Variants in SLC39A11 observed in about 807,000 individuals in gnomAD.
The protein encoded by SLC39A11 is zinc transporter ZIP11.
Under a neutral mutation model 36.1 loss-of-function variants are expected in SLC39A11, and 33 were observed. The ratio of observed to expected loss-of-function variants is 0.91; its 90% CI spans 0.69 to 1.22. The LOEUF is 1.22. SLC39A11 is among the 50% of genes most tolerant of loss of function. The pLI is 0.00. For synonymous variants in SLC39A11, 166 were observed against 170.3 expected (o/e 0.97, Z 0.20); for missense variants, 432 against 430.3 (o/e 1.00, Z -0.03).
intron 4 of SLC39A11, among the ~76,000 whole-genome samples, chr17:73,015,785 A>G (rs1263880041): frequency 2.0e-5 from 3 of 152,052 alleles, no homozygotes; most frequent in Admixed American, 6.6e-5. Flanking sequence ...GTTTCCCCAT[A>G]TTGGCCAGGC....
chr17:72,752,275 C>T (rs1568031522), intron 6 of SLC39A11, among the ~76,000 whole-genome samples: 1 of 152,250 alleles, frequency 6.6e-6, no homozygotes. Context: ...GATGGAGTCT[C>T]GCTCTGTCAC....
At position 72,887,490 on chromosome 17, in the gene SLC39A11, G is replaced by C. The variant is rs2081495167; in HGVS notation, c.431-37686C>G. 2.0e-5 allele frequency among the ~76,000 whole-genome samples: 3 copies of C among 152,200 alleles called. No homozygotes were observed. The South Asian group carries it at 6.2e-4, about 32-fold the overall frequency. ...GCCTGTGTATGCAGTAGGTGGCTTT[G>C]AAAGGCAGAGACAAATGTCAGAATG... On this transcript the variant is annotated intron_variant, in intron 5 of 9. Transcript: ENST00000255559.
chr17:72,679,473 G>A (rs1410291912), intron 7 of SLC39A11, among the ~76,000 whole-genome samples: 1 of 152,200 alleles, frequency 6.6e-6, no homozygotes, highest in Non-Finnish European at 1.5e-5. Flanking sequence ...CGCAGACACA[G>A]AGAAAGGCAC....
At chr17:72,799,905 T>C (rs2077027593) in intron 6 of SLC39A11, among the ~76,000 whole-genome samples, 1 of 151,998 alleles carries the variant, frequency 6.6e-6, no homozygotes, top group African/African-American at 2.4e-5. Context: ...CTCTCTGTTC[T>C]TACACCCCCT....
At chr17:72,998,286 A>T (rs754818482) in intron 4 of SLC39A11, among the ~76,000 whole-genome samples, 5 of 148,442 alleles carry the variant, frequency 3.4e-5, no homozygotes, top group Non-Finnish European at 7.4e-5. Flanking sequence ...GGACCACTGT[A>T]CTGTTCCTTT....
intron 3 of SLC39A11, among the ~76,000 whole-genome samples, chr17:73,071,565 T>C (rs765463093): frequency 6.6e-6 from 1 of 152,160 alleles, no homozygotes; most frequent in Non-Finnish European, 1.5e-5. Flanking sequence ...TCCAGCACAG[T>C]GGTCCCGATG....
intron 5 of SLC39A11, among the ~76,000 whole-genome samples, chr17:72,861,222 C>T (rs147305077): frequency 2.0e-3 from 304 of 152,262 alleles, no homozygotes; most frequent in African/African-American, 6.8e-3. Context: ...AGAGTGAAAG[C>T]ATGCCTTGGC....
At chr17:72,992,402 C>T (rs897366416) in intron 4 of SLC39A11, among the ~76,000 whole-genome samples, 2 of 152,130 alleles carry the variant, frequency 1.3e-5, no homozygotes, top group African/African-American at 4.8e-5. Context: ...ATTGCATTCC[C>T]TTTATTACCA....
chr17:73,080,796 A>G (rs2060482872), intron 3 of SLC39A11, among the ~76,000 whole-genome samples: 1 of 151,548 alleles, frequency 6.6e-6, no homozygotes, highest in Non-Finnish European at 1.5e-5. Context: ...AATACAAAAA[A>G]TAGCCAGGCA....
intron 4 of SLC39A11, among the ~76,000 whole-genome samples, chr17:73,013,107 A>T (rs2090613398): frequency 6.9e-6 from 1 of 145,432 alleles, no homozygotes; most frequent in Admixed American, 6.9e-5. Flanking sequence ...CCCTTATTTT[A>T]TTTTTTTGAG....
intron 7 of SLC39A11, among the ~76,000 whole-genome samples, chr17:72,707,769 A>G (rs2143224293): frequency 6.6e-6 from 1 of 152,318 alleles, no homozygotes; most frequent in South Asian, 2.1e-4. Context: ...AGGAAGGCAA[A>G]GCGTACGGCA....
chr17:72,946,583 C>T (rs907887757), intron 5 of SLC39A11, among the ~76,000 whole-genome samples: 6 of 152,142 alleles, frequency 3.9e-5, no homozygotes, highest in African/African-American at 1.4e-4. Flanking sequence ...TGACTGGTCA[C>T]CAATTTGTTT....
intron 5 of SLC39A11, among the ~76,000 whole-genome samples, chr17:72,872,464 T>C (rs1293493861): frequency 6.6e-6 from 1 of 152,144 alleles, no homozygotes; most frequent in East Asian, 1.9e-4. Context: ...GAAATAAGGA[T>C]GTAACAACGT....
At chr17:72,762,315 G>A (rs905444169) in intron 6 of SLC39A11, among the ~76,000 whole-genome samples, 6 of 152,172 alleles carry the variant, frequency 3.9e-5, no homozygotes, top group South Asian at 2.1e-4. Context: ...ACCTTTGGTC[G>A]TCCTCACTGC....
rs142683753 is a variant in SLC39A11 at position 72,794,949 on chromosome 17, A to G, written c.601+54685T>C. ...TTAGCATCCACACTGGATATGAGGG[A>G]TGAATGCCACCAGAATTCTGAGGGC... On this transcript the variant is annotated intron_variant, in intron 6 of 9. Coordinates refer to ENST00000255559, the MANE Select transcript of SLC39A11 (RefSeq NM_139177.4). 4.6e-5 allele frequency among the ~76,000 whole-genome samples: 7 copies of G among 152,244 alleles called. No individual in the cohort carries two copies. The East Asian group carries it at 1.2e-3, about 25-fold the overall frequency.
intron 7 of SLC39A11, among the ~76,000 whole-genome samples, chr17:72,709,204 C>T (rs1161209951): frequency 6.6e-6 from 1 of 152,206 alleles, no homozygotes; most frequent in African/African-American, 2.4e-5. Flanking sequence ...TCCCAAAGTG[C>T]TGGGATTACA....
Position 72,711,731 on chromosome 17 carries a change from T to G in SLC39A11, c.671+24919A>C, listed in dbSNP as rs189549738. Among the ~76,000 whole-genome samples the G allele has an allele frequency of 7.9e-5, 12 of 152,198 alleles. No homozygotes were observed. In the East Asian group the frequency reaches 2.3e-3, roughly 29 times the overall value. ...TAGGCTGCAAAGCTGGAGATTCCCA[T>G]CAGGTTGAGCAACACCGTGAGTGAC... is the stretch of plus-strand genomic sequence containing the variant. On this transcript the variant is annotated intron_variant, in intron 7 of 9. Coordinates refer to ENST00000255559, the MANE Select transcript of SLC39A11 (RefSeq NM_139177.4).
At chr17:73,050,890 G>A (rs1206011134) in intron 3 of SLC39A11, among the ~76,000 whole-genome samples, 1 of 152,186 alleles carries the variant, frequency 6.6e-6, no homozygotes, top group Non-Finnish European at 1.5e-5. Context: ...CATCAGTGCA[G>A]GTGAGGAAAG....
At chr17:72,905,237 A>T (rs912476611) in intron 5 of SLC39A11, among the ~76,000 whole-genome samples, 4 of 146,820 alleles carry the variant, frequency 2.7e-5, no homozygotes, top group African/African-American at 5.0e-5. Context: ...AATGACCAGT[A>T]TGAAAATAGC....
Sources: gnomAD v4.1 joint callset for allele counts (sites outside exome capture counted in the v4.1 genomes callset) on GRCh38, gnomAD v4.1.1 for gene constraint, MANE v1.5 for transcripts, NCBI Gene and HGNC (gene_info 2026-07-23, HGNC 2026-07-21) for gene names.